Variants in PHACTR3 observed in about 807,000 individuals in gnomAD.
The protein encoded by PHACTR3 is protein phosphatase 1, regulatory subunit 123.
PHACTR3 carries 16 observed loss-of-function variants against 66.8 expected under a neutral mutation model. The ratio of observed to expected loss-of-function variants is 0.24; its 90% CI spans 0.16 to 0.36. PHACTR3 has a LOEUF of 0.36. Ranked by LOEUF, PHACTR3 falls within the 10% of genes least tolerant of loss-of-function variation. PHACTR3 has a pLI of 1.00. For missense variants in PHACTR3, 647 were observed against 719.9 expected (o/e 0.90, Z 1.16); for synonymous variants, 323 against 292.1 (o/e 1.11, Z -1.08).
Position 59,604,877 on chromosome 20 carries a change from C to CTTGTTTTTTTTTTTTTT in PHACTR3, c.-136_-135insGTTTTTTTTTTTTTTTT. ...TCTCCAGCTCGTTTCCTTTCCCGGC[C>CTTGTTTTTTTTTTTTTT]TTTTTTTTTTTTTTTTTTTTTTAAT... On this transcript the variant is annotated 5_prime_UTR_variant, in exon 1 of 13. Coordinates refer to ENST00000371015, the MANE Select transcript of PHACTR3 (RefSeq NM_080672.5). The CTTGTTTTTTTTTTTTTT allele has an allele frequency of 1.0e-6, 1 of 977,908 alleles. No individual in the cohort carries two copies. Among genetic ancestry groups the CTTGTTTTTTTTTTTTTT allele is most frequent in the Non-Finnish European group, 1.2e-6 (1 of 829,326 alleles). 60.6% of individuals were successfully genotyped at this position (977,908 alleles called of 1,614,324 possible).
intron 1 of PHACTR3, among the ~76,000 whole-genome samples, chr20:59,723,986 G>A (rs1276449386): frequency 6.6e-6 from 1 of 152,110 alleles, no homozygotes; most frequent in Admixed American, 6.5e-5. Flanking sequence ...TCCCCACTGT[G>A]TGTGAAGGCT....
At chr20:59,584,453 AGT>A (rs1459404643) in intron 1 of PHACTR3, among the ~76,000 whole-genome samples, 1 of 151,600 alleles carries the variant, frequency 6.6e-6, no homozygotes, top group South Asian at 2.1e-4. Context: ...GCCGTGCAGG[AGT>A]GTGTGTGAAG....
intron 1 of PHACTR3, among the ~76,000 whole-genome samples, chr20:59,645,984 C>T (rs1256459774): frequency 1.3e-5 from 2 of 152,200 alleles, no homozygotes; most frequent in Admixed American, 6.5e-5. Context: ...AGGCCCCTGG[C>T]CCCGTTCTGC....
chr20:59,594,071 C>T (rs6070857), intron 1 of PHACTR3, among the ~76,000 whole-genome samples: 4,117 of 152,288 alleles, frequency 0.027, 200 homozygotes, highest in East Asian at 0.2. Context: ...ATTTACGGGT[C>T]AAATAGAGAA....
chr20:59,792,059 G>C (rs2041120454), intron 7 of PHACTR3, among the ~76,000 whole-genome samples: 1 of 152,124 alleles, frequency 6.6e-6, no homozygotes, highest in African/African-American at 2.4e-5. Flanking sequence ...GAATAGAAGG[G>C]AGGATTCTGA....
intron 7 of PHACTR3, among the ~76,000 whole-genome samples, chr20:59,787,033 C>T (rs2040939180): frequency 6.6e-6 from 1 of 152,108 alleles, no homozygotes; most frequent in South Asian, 2.1e-4. Flanking sequence ...TAAGGGAAAT[C>T]ATGCAGAGTG....
At position 59,715,840 on chromosome 20, in the gene PHACTR3, A is replaced by G. The variant is rs934308731; in HGVS notation, c.119-27267A>G. Among the ~76,000 whole-genome samples, 13 of 152,114 alleles carry G rather than the reference A, an allele frequency of 8.5e-5. 1 individual carries two copies. Among genetic ancestry groups the G allele is most frequent in the Admixed American group, 7.3e-4 (11 of 15,076 alleles). ...AAGGTAGAAGCAGAGGTGCCTGTCCATATTTTCTCCTAGTGGGAATGATTC... is the reference window on the plus strand; with the variant it reads ...AAGGTAGAAGCAGAGGTGCCTGTCCGTATTTTCTCCTAGTGGGAATGATTC... On this transcript the variant is annotated intron_variant, in intron 1 of 12. Coordinates refer to ENST00000371015, the MANE Select transcript of PHACTR3 (RefSeq NM_080672.5).
intron 1 of PHACTR3, among the ~76,000 whole-genome samples, chr20:59,677,340 T>C (rs1471484607): frequency 3.3e-5 from 5 of 152,154 alleles, no homozygotes; most frequent in African/African-American, 1.2e-4. Flanking sequence ...CACTGAACCC[T>C]GGGTGGGAGT....
intron 1 of PHACTR3, among the ~76,000 whole-genome samples, chr20:59,726,238 A>C (rs2038556495): frequency 6.6e-6 from 1 of 152,132 alleles, no homozygotes; most frequent in Non-Finnish European, 1.5e-5. Flanking sequence ...GTCATGCTGC[A>C]TGTTTGGGTT....
In PHACTR3 at chr20:59,774,521, G is replaced by A. The variant is rs540184060; in HGVS notation, c.1174+31G>A. 5 of 1,603,908 alleles carry A rather than the reference G, an allele frequency of 3.1e-6. No homozygotes were observed. The South Asian group carries it at 4.5e-5, about 14-fold the overall frequency. ...GAAAGGATGGCCCATTAAGTGTGGG[G>A]ATCTCGGCCAGAGGTCTAGTGTCAC... On this transcript the variant is annotated intron_variant, in intron 7 of 12. Coordinates refer to ENST00000371015, the MANE Select transcript of PHACTR3 (RefSeq NM_080672.5).
intron 1 of PHACTR3, among the ~76,000 whole-genome samples, chr20:59,676,364 G>C (rs951040859): frequency 6.6e-6 from 1 of 152,218 alleles, no homozygotes; most frequent in African/African-American, 2.4e-5. Context: ...AGAGAGGAGT[G>C]GGCGCCTGGC....
intron 4 of PHACTR3, among the ~76,000 whole-genome samples, chr20:59,755,864 C>T (rs2039773612): frequency 6.6e-6 from 1 of 152,188 alleles, no homozygotes; most frequent in South Asian, 2.1e-4. Context: ...GCAGTCTCAG[C>T]ATGCTGCAGC....
At chr20:59,836,326 T>TG (rs752436750) in intron 8 of PHACTR3, 179 bp from the exon 9 acceptor site, 12 of 573,924 alleles carry the variant, frequency 2.1e-5, no homozygotes, top group Admixed American at 1.7e-4. Flanking sequence ...GACTGTCACC[T>TG]GGAAGTCTGA....
chr20:59,587,836 C>T (rs1808513975), intron 1 of PHACTR3, among the ~76,000 whole-genome samples: 1 of 152,246 alleles, frequency 6.6e-6, no homozygotes, highest in African/African-American at 2.4e-5. Context: ...TGGCTCACGT[C>T]TACCTTCAAG....
intron 1 of PHACTR3, among the ~76,000 whole-genome samples, chr20:59,742,885 C>A (rs894139687): frequency 6.6e-6 from 1 of 152,130 alleles, no homozygotes; most frequent in Non-Finnish European, 1.5e-5. Flanking sequence ...TTCTGGTGGC[C>A]GTGAGTGGGT....
At chr20:59,617,393 G>A (rs2034067006) in intron 1 of PHACTR3, among the ~76,000 whole-genome samples, 2 of 152,244 alleles carry the variant, frequency 1.3e-5, no homozygotes, top group Non-Finnish European at 2.9e-5. Context: ...CCGAGTGTGA[G>A]TTCTCAGGAA....
At chr20:59,780,949 C>T (rs565912803) in intron 7 of PHACTR3, among the ~76,000 whole-genome samples, 5 of 152,206 alleles carry the variant, frequency 3.3e-5, no homozygotes, top group Non-Finnish European at 5.9e-5. Context: ...GTAATCAGCA[C>T]TGTCACCCTC....
intron 1 of PHACTR3, among the ~76,000 whole-genome samples, chr20:59,678,450 G>A (rs6027036): frequency 0.26 from 39,108 of 152,064 alleles, 5,455 homozygotes; most frequent in East Asian, 0.52. Flanking sequence ...ATGGGAGTGC[G>A]TTCCTCCTGT....
In PHACTR3 at chr20:59,635,149, T is replaced by TTCTTTCTTTCTTTTTC. The variant is rs1555881160; in HGVS notation, c.118+30018_118+30019insCTTTCTTTCTTTTTCT. Among the ~76,000 whole-genome samples the TTCTTTCTTTCTTTTTC allele has an allele frequency of 3.3e-4, 20 of 60,408 alleles. No individual in the cohort carries two copies. The East Asian group carries it at 0.011, about 33-fold the overall frequency. The allele number at this position is 60,408 out of a possible 152,430, so 39.6% of individuals were successfully genotyped here. A position where few individuals can be genotyped will look rare whatever the true frequency, so the allele number is the denominator to read the frequency against. On this transcript the variant is annotated intron_variant, in intron 1 of 12. Transcript: ENST00000371015. ...TTTCTTTCTTTCTTTCTTTCTTTCT[T>TTCTTTCTTTCTTTTTC]TTTCTTTCTTTCTTTCTTTCCTTTC...
Sources: allele counts gnomAD v4.1 joint callset (sites outside exome capture counted in the v4.1 genomes callset), GRCh38; gene constraint gnomAD v4.1.1; transcripts MANE v1.5; gene names NCBI Gene and HGNC (gene_info 2026-07-23, HGNC 2026-07-21).